The following APC variants were observed in gnomAD, a reference collection of about 807,000 sequenced individuals.
The protein encoded by APC is APC regulator of Wnt signaling pathway, also known as adenomatous polyposis coli protein.
APC carries 72 observed loss-of-function variants against 247.0 expected under a neutral mutation model. The ratio of observed to expected loss-of-function variants is 0.29; its 90% confidence interval spans 0.24 to 0.35. APC has a LOEUF of 0.35. Ranked by LOEUF, APC falls within the 10% of genes least tolerant of loss-of-function variation. APC has a pLI of 1.00. For synonymous variants in APC, 1,254 were observed against 1,162.5 expected (o/e 1.08, Z -1.60); for missense variants, 3,400 against 3,360.7 (o/e 1.01, Z -0.29).
intron 2 of APC, among the ~76,000 whole-genome samples, chr5:112,755,636 C>T (rs1754886534): frequency 6.6e-6 from 1 of 152,120 alleles, no homozygotes; most frequent in Non-Finnish European, 1.5e-5. Context: ...AATTGGCTTG[C>T]CAAATAGTAC....
chr5:112,716,020 T>C lies in APC; in HGVS notation c.165+8138T>C, dbSNP rs191440586. Among the ~76,000 whole-genome samples, 17 of 152,282 alleles carry C rather than the reference T, an allele frequency of 1.1e-4. No individual in the cohort carries two copies. The East Asian group carries it at 2.7e-3, about 24-fold the overall frequency. ...ATTTGTACCTTTTCCTTTTCCTTAT[T>C]AGTTTCACCAGAGATCAGTAGTCTT... On this transcript the variant is annotated intron_variant, in intron 1 of 13. Transcript: ENST00000507379.
chr5:112,769,197 C>T (rs536957993), intron 4 of APC, among the ~76,000 whole-genome samples: 4 of 151,398 alleles, frequency 2.6e-5, no homozygotes, highest in African/African-American at 4.8e-5. Flanking sequence ...ATTACAGGCA[C>T]GCCCCACCGC....
intron 5 of APC, among the ~76,000 whole-genome samples, chr5:112,780,112 A>T (rs897209132): frequency 2.0e-5 from 3 of 152,150 alleles, no homozygotes; most frequent in Non-Finnish European, 4.4e-5. Context: ...CAGTTATCAC[A>T]GTCCTTGGAA....
chr5:112,828,696 G>C (rs964435997), intron 13 of APC, among the ~76,000 whole-genome samples, 160 bp from the exon 14 acceptor site: 1 of 152,034 alleles, frequency 6.6e-6, no homozygotes, highest in Non-Finnish European at 1.5e-5. Context: ...AGATCCTCCT[G>C]CCTCAGCCTC....
chr5:112,785,376 G>A (rs994392414), intron 6 of APC, among the ~76,000 whole-genome samples: 1 of 152,214 alleles, frequency 6.6e-6, no homozygotes, highest in East Asian at 1.9e-4. Flanking sequence ...ATAACTACCA[G>A]TTAAAGGTGG....
chr5:112,835,458 A>G (rs1403311940), intron 15 of APC, among the ~76,000 whole-genome samples: 3 of 152,178 alleles, frequency 2.0e-5, no homozygotes, highest in Non-Finnish European at 2.9e-5. Flanking sequence ...TTCTATTAGT[A>G]TAGTATAAAA....
rs574412318 is a variant in APC at position 112,782,118 on chromosome 5, G to A, written c.645+1215G>A. ...GGTTTAAGGGACTTAACAGTTCTAC[G>A]TGGCTGGGGAATCCTCACAATCATG... On this transcript the variant is annotated intron_variant, in intron 6 of 15. Transcript: ENST00000257430. 4.6e-5 allele frequency among the ~76,000 whole-genome samples: 7 copies of A among 152,322 alleles called. No homozygotes were observed. The East Asian group carries it at 9.6e-4, about 21-fold the overall frequency.
chr5:112,753,849 T>A (rs1217528779), intron 1 of APC, among the ~76,000 whole-genome samples: 1 of 152,226 alleles, frequency 6.6e-6, no homozygotes, highest in African/African-American at 2.4e-5. Flanking sequence ...ATTGCTTAAG[T>A]GCAAACTACT....
chr5:112,759,161 A>G (rs968896487), intron 2 of APC, among the ~76,000 whole-genome samples: 2 of 152,190 alleles, frequency 1.3e-5, no homozygotes, highest in Non-Finnish European at 2.9e-5. Flanking sequence ...TTCAGAATGT[A>G]TTTTGAAGAT....
intron 7 of APC, among the ~76,000 whole-genome samples, chr5:112,800,222 A>T (rs1299881975): frequency 1.3e-5 from 2 of 152,206 alleles, no homozygotes; most frequent in East Asian, 1.9e-4. Flanking sequence ...CACTTACGTT[A>T]GTGTCAAATC....
chr5:112,733,757 A>C (rs1363743647), upstream of APC, among the ~76,000 whole-genome samples: 1 of 152,214 alleles, frequency 6.6e-6, no homozygotes, highest in Non-Finnish European at 1.5e-5. Flanking sequence ...TAATACGCCT[A>C]GGAACTATTT....
intron 9 of APC, 91 bp downstream of exon 9, chr5:112,815,684 C>T: frequency 1.9e-6 from 2 of 1,040,750 alleles, no homozygotes; most frequent in Non-Finnish European, 2.9e-6. Context: ...ACCTGTAATC[C>T]CAGCATTTTG....
intron 6 of APC, among the ~76,000 whole-genome samples, chr5:112,782,400 G>A (rs1165487093): frequency 1.3e-5 from 2 of 152,082 alleles, no homozygotes; most frequent in Non-Finnish European, 1.5e-5. Flanking sequence ...TAAACATAAT[G>A]TATATTCTAT....
At position 112,767,181 on chromosome 5, in the gene APC, T is replaced by TGTTGC; in HGVS notation, c.221-8_221-7insGTTGC. 1 of 1,610,466 alleles carries TGTTGC rather than the reference T, an allele frequency of 6.2e-7. No homozygotes were observed. Among genetic ancestry groups the TGTTGC allele is most frequent in the South Asian group, 1.1e-5 (1 of 91,010 alleles). On this transcript the variant is annotated splice_polypyrimidine_tract_variant and splice_region_variant and intron_variant, in intron 3 of 15. Transcript: ENST00000257430. ...TGTTGTATAAAAACTTGTTTCTATT[T>TGTTGC]TATTTAGAGCTTAACTTAGATAGCA...
intron 7 of APC, among the ~76,000 whole-genome samples, chr5:112,796,535 A>AGC: frequency 6.6e-6 from 1 of 152,302 alleles, no homozygotes; most frequent in Non-Finnish European, 1.5e-5. Flanking sequence ...GTCTTAAGCA[A>AGC]ATATAAGTCA....
intron 7 of APC, among the ~76,000 whole-genome samples, chr5:112,800,026 C>A (rs1760644117): frequency 6.6e-6 from 1 of 152,180 alleles, no homozygotes; most frequent in Admixed American, 6.5e-5. Context: ...ACCCTTCTTT[C>A]ATGGCATTTG....
intron 2 of APC, among the ~76,000 whole-genome samples, chr5:112,762,239 G>C (rs185849704): frequency 6.6e-6 from 1 of 152,336 alleles, no homozygotes; most frequent in African/African-American, 2.4e-5. Context: ...CAAATGTGGA[G>C]CATTGGAATG....
At chr5:112,826,708 G>A (rs1458142464) in intron 11 of APC, among the ~76,000 whole-genome samples, 1 of 151,224 alleles carries the variant, frequency 6.6e-6, no homozygotes, top group Admixed American at 6.6e-5. Flanking sequence ...AGGCCACAGT[G>A]TATGACAATA....
At chr5:112,731,515 A>C (rs990831149) in intron 1 of APC, among the ~76,000 whole-genome samples, 3 of 152,164 alleles carry the variant, frequency 2.0e-5, no homozygotes, top group Non-Finnish European at 4.4e-5. Context: ...TCCATTACTG[A>C]GGGTGGAACG....
Sources: gnomAD v4.1 joint callset for allele counts (sites outside exome capture counted in the v4.1 genomes callset) on GRCh38, gnomAD v4.1.1 for gene constraint, MANE v1.5 for transcripts, NCBI Gene and HGNC (gene_info 2026-07-23, HGNC 2026-07-21) for gene names.